Variants in MED13L observed in about 807,000 individuals in gnomAD.
MED13L encodes mediator complex subunit 13L, also known as mediator of RNA polymerase II transcription subunit 13-like.
A neutral mutation model predicts 220.9 loss-of-function variants in MED13L; 7 were observed. That is an observed-to-expected ratio of 0.03 (90% confidence interval 0.02 to 0.06). The LOEUF (loss-of-function observed/expected upper bound fraction) is 0.06. Ranked by LOEUF, MED13L falls within the 10% of genes least tolerant of loss-of-function variation. The pLI, the probability that MED13L is intolerant of heterozygous loss-of-function variation, is 1.00. For synonymous variants in MED13L, 1,011 were observed against 1,015.2 expected (o/e 1.00, Z 0.08); for missense variants, 1,965 against 2,760.5 (o/e 0.71, Z 6.46).
chr12:116,146,274 C>T (rs779421089), intron 2 of MED13L, among the ~76,000 whole-genome samples: 1 of 152,182 alleles, frequency 6.6e-6, no homozygotes, highest in African/African-American at 2.4e-5. Context: ...AGGTGTGTGC[C>T]ACCATGCCCA....
At chr12:115,976,562 ATTTT>A (rs879638774) in intron 23 of MED13L, among the ~76,000 whole-genome samples, 2 of 152,162 alleles carry the variant, frequency 1.3e-5, no homozygotes, top group Non-Finnish European at 2.9e-5. Flanking sequence ...GTTAAATGAT[ATTTT>A]TTTAATTACT....
intron 2 of MED13L, among the ~76,000 whole-genome samples, chr12:116,216,247 C>A (rs1882988770): frequency 6.6e-6 from 1 of 152,112 alleles, no homozygotes; most frequent in Admixed American, 6.5e-5. Context: ...CTGGGTTCAA[C>A]TGATCCTCCA....
intron 2 of MED13L, among the ~76,000 whole-genome samples, chr12:116,219,744 C>A (rs1309465452): frequency 6.6e-6 from 1 of 152,090 alleles, no homozygotes; most frequent in African/African-American, 2.4e-5. Flanking sequence ...ATGCCAAAAG[C>A]CATTTTTAAA....
Position 116,007,560 on chromosome 12 carries a change from C to G in MED13L, c.2089G>C (p.Asp697His). The G allele has an allele frequency of 6.3e-7, 1 of 1,599,206 alleles. No individual in the cohort carries two copies. Among genetic ancestry groups the G allele is most frequent in the Non-Finnish European group, 8.5e-7 (1 of 1,175,544 alleles). ...GGTTGTTGTGATAGAGGCAATGGGT[C>G]AAGGAAGTGGAGTGGCTGCAACTGG... is the stretch of plus-strand genomic sequence containing the variant. ...QPQLQPLHFL[D>H]PLPLSQQPGD... Residue 697 changes from aspartate (D) to histidine (H), a missense_variant, in exon 11 of 31, where the codon GAC becomes CAC. Transcript: ENST00000281928.
At chr12:115,972,324 T>G in intron 25 of MED13L, 88 bp from the exon 26 acceptor site, 1 of 1,521,242 alleles carries the variant, frequency 6.6e-7, no homozygotes, top group East Asian at 2.3e-5. Context: ...GCCCGGTAAT[T>G]GAATTTCCAA....
At chr12:116,266,989 A>C (rs1305137973) in intron 1 of MED13L, among the ~76,000 whole-genome samples, 1 of 152,254 alleles carries the variant, frequency 6.6e-6, no homozygotes, top group Non-Finnish European at 1.5e-5. Flanking sequence ...GTGTCAAACT[A>C]AAACATGATT....
intron 1 of MED13L, among the ~76,000 whole-genome samples, chr12:116,269,510 CACTCA>C (rs1278507171): frequency 7.9e-6 from 1 of 127,248 alleles, no homozygotes; most frequent in Non-Finnish European, 1.6e-5. Context: ...AATTTTGATG[CACTCA>C]ACTCAAGAGG....
chr12:116,140,730 A>T (rs1266141040), intron 2 of MED13L, among the ~76,000 whole-genome samples: 1 of 152,260 alleles, frequency 6.6e-6, no homozygotes, highest in Non-Finnish European at 1.5e-5. Context: ...TCTCTGGAGC[A>T]GAAACTGATT....
At position 116,021,244 on chromosome 12, in the gene MED13L, G is replaced by A. The variant is rs560648506; in HGVS notation, c.625+1212C>T. On this transcript the variant is annotated intron_variant, in intron 5 of 30. Transcript: ENST00000281928. ...ATTAAAAGTGGTCTATAGGGACCTGGTATTCCTAATATTATTGTTCCCAAC... is the reference window on the plus strand; with the variant it reads ...ATTAAAAGTGGTCTATAGGGACCTGATATTCCTAATATTATTGTTCCCAAC... Among the ~76,000 whole-genome samples, 79 of 152,050 alleles carry A rather than the reference G, an allele frequency of 5.2e-4. 1 individual carries two copies. The highest frequency in any genetic ancestry group is 1.0e-3 in the Non-Finnish European group (68 of 67,974).
intron 4 of MED13L, among the ~76,000 whole-genome samples, chr12:116,070,169 T>G (rs894902181): frequency 6.6e-6 from 1 of 152,198 alleles, no homozygotes; most frequent in African/African-American, 2.4e-5. Flanking sequence ...CAGGAGCTAT[T>G]ATAAGACAGG....
intron 2 of MED13L, among the ~76,000 whole-genome samples, chr12:116,113,425 C>G (rs1193059922): frequency 6.6e-6 from 1 of 150,778 alleles, no homozygotes; most frequent in Non-Finnish European, 1.5e-5. Context: ...TTGCTTGAGC[C>G]CAGCAGATCA....
chr12:116,141,005 A>AT (rs1877020609), intron 2 of MED13L, among the ~76,000 whole-genome samples: 1 of 152,080 alleles, frequency 6.6e-6, no homozygotes, highest in Non-Finnish European at 1.5e-5. Flanking sequence ...AAATGTGTGG[A>AT]TTTTTTAAAA....
At chr12:116,172,175 C>T (rs1879727904) in intron 2 of MED13L, among the ~76,000 whole-genome samples, 1 of 152,190 alleles carries the variant, frequency 6.6e-6, no homozygotes, top group African/African-American at 2.4e-5. Context: ...TAACACACTC[C>T]TATTTCATAT....
At chr12:116,139,928 C>T (rs1388183166) in intron 2 of MED13L, among the ~76,000 whole-genome samples, 1 of 148,804 alleles carries the variant, frequency 6.7e-6, no homozygotes, top group East Asian at 2.0e-4. Context: ...TGAGATTGTG[C>T]CACTGCGCTG....
intron 1 of MED13L, chr12:116,276,752 C>T (rs1274764678): frequency 1.5e-6 from 2 of 1,292,510 alleles, no homozygotes; most frequent in Non-Finnish European, 2.0e-6. Context: ...AAGGGGAGTG[C>T]GATTGCAACA....
At chr12:116,148,632 C>T (rs765813545) in intron 2 of MED13L, 55 of 173,068 alleles carry the variant, frequency 3.2e-4, no homozygotes, top group Non-Finnish European at 5.3e-4. Context: ...TATATATATA[C>T]GGAGCTAGAT....
At chr12:116,063,801 T>C (rs1869702511) in intron 4 of MED13L, among the ~76,000 whole-genome samples, 1 of 152,108 alleles carries the variant, frequency 6.6e-6, no homozygotes, top group Non-Finnish European at 1.5e-5. Flanking sequence ...ATATAAACAG[T>C]GGTAGAGTCA....
intron 3 of MED13L, among the ~76,000 whole-genome samples, chr12:116,109,059 C>CTT (rs1873847050): frequency 8.3e-6 from 1 of 120,380 alleles, no homozygotes; most frequent in Non-Finnish European, 1.7e-5. Flanking sequence ...TAATTAATTT[C>CTT]CTTTTTTTTT....
intron 3 of MED13L, 88 bp from the exon 4 acceptor site, chr12:116,096,840 C>A: frequency 1.1e-6 from 1 of 924,384 alleles, no homozygotes; most frequent in South Asian, 1.4e-5. Flanking sequence ...AGATATATCA[C>A]CAAAAATAAA....
Sources: allele counts gnomAD v4.1 joint callset (sites outside exome capture counted in the v4.1 genomes callset), GRCh38; gene constraint gnomAD v4.1.1; transcripts MANE v1.5; gene names NCBI Gene and HGNC (gene_info 2026-07-23, HGNC 2026-07-21).